STK3: variants seen among roughly 807,000 people sequenced by gnomAD.
STK3 encodes the protein serine/threonine kinase 3.
A neutral mutation model predicts 58.0 loss-of-function variants in STK3; 41 were observed. The observed-to-expected ratio is 0.71, with a 90% CI of 0.55 to 0.92. The LOEUF (loss-of-function observed/expected upper bound fraction) is 0.92, where lower values mean the gene tolerates loss of function less well. Among genes scored for constraint, STK3 ranks in the 40% least tolerant of loss-of-function variants. The probability of loss-of-function intolerance (pLI) is 0.00; values close to 1 mark genes in which losing one functional copy is unlikely to be tolerated. For missense variants in STK3, 479 were observed against 602.7 expected, an observed-to-expected ratio of 0.79 and a Z score of 2.15; for synonymous variants, 170 against 191.0, an observed-to-expected ratio of 0.89 and a Z score of 0.91.
intron 5 of STK3, 34 bp from the exon 6 acceptor site, chr8:98,706,668 A>T: frequency 6.7e-7 from 1 of 1,499,558 alleles, no homozygotes; most frequent in South Asian, 1.4e-5. Context: ...AAATGCTACT[A>T]CAAAAGCACA....
chr8:98,906,108 G>C (rs1305539693), intron 1 of STK3, among the ~76,000 whole-genome samples: 1 of 152,188 alleles, frequency 6.6e-6, no homozygotes, highest in Non-Finnish European at 1.5e-5. Flanking sequence ...TAAGGAGGCA[G>C]CTTTAGGCTA....
At chr8:98,435,820 G>A (rs1039769159) in intron 2 of STK3, among the ~76,000 whole-genome samples, 7 of 152,166 alleles carry the variant, frequency 4.6e-5, no homozygotes, top group Non-Finnish European at 7.4e-5. Flanking sequence ...AGCACCCTGA[G>A]GGAGCCTGGC....
chr8:98,618,410 G>A (rs1335907423), intron 6 of STK3, among the ~76,000 whole-genome samples: 6 of 152,272 alleles, frequency 3.9e-5, no homozygotes, highest in African/African-American at 1.4e-4. Context: ...GCACAAGATA[G>A]GGATGCCCTC....
chr8:98,376,393 GTGTC>G (rs1289348436), intron 2 of STK3, among the ~76,000 whole-genome samples: 1 of 152,144 alleles, frequency 6.6e-6, no homozygotes, highest in Non-Finnish European at 1.5e-5. Flanking sequence ...TCTCTTAGCT[GTGTC>G]TGTCTCAGAG....
intron 3 of STK3, among the ~76,000 whole-genome samples, chr8:98,861,067 A>T (rs915037416): frequency 6.6e-6 from 1 of 152,016 alleles, no homozygotes; most frequent in Admixed American, 6.6e-5. Context: ...CCCAAAAGAA[A>T]AAGAAAAAAT....
chr8:98,541,108 C>T (rs1758462521), intron 9 of STK3, among the ~76,000 whole-genome samples: 1 of 152,154 alleles, frequency 6.6e-6, no homozygotes, highest in Admixed American at 6.5e-5. Flanking sequence ...GTGGGAGTCA[C>T]TCTTGAAGCC....
At chr8:98,633,446 AT>A (rs899376211) in intron 6 of STK3, 13 of 514,052 alleles carry the variant, frequency 2.5e-5, no homozygotes, top group African/African-American at 2.5e-4. Context: ...GAGACTGCAG[AT>A]TATTAAATCA....
chr8:98,673,979 T>A (rs1823016845), intron 6 of STK3, among the ~76,000 whole-genome samples: 1 of 152,218 alleles, frequency 6.6e-6, no homozygotes, highest in Non-Finnish European at 1.5e-5. Context: ...TGTTTTCTTT[T>A]AAGTACTCAT....
chr8:98,404,004 G>A (rs1817969301), intron 3 of STK3, among the ~76,000 whole-genome samples: 1 of 152,168 alleles, frequency 6.6e-6, no homozygotes, highest in Admixed American at 6.5e-5. Flanking sequence ...CTGTCTCCTG[G>A]GTGGCAGGTC....
At chr8:98,716,294 A>G (rs145589030) in intron 4 of STK3, among the ~76,000 whole-genome samples, 220 of 152,268 alleles carry the variant, frequency 1.4e-3, no homozygotes, top group Non-Finnish European at 2.3e-3. Context: ...TAAAAAAAGA[A>G]CTAATAAATA....
intron 6 of STK3, among the ~76,000 whole-genome samples, chr8:98,624,975 A>G (rs1818604946): frequency 1.3e-5 from 2 of 152,152 alleles, no homozygotes; most frequent in African/African-American, 4.8e-5. Flanking sequence ...AATAAGTTAA[A>G]TGGCCTGAGG....
chr8:98,389,576 T>C (rs560265174), upstream of STK3, among the ~76,000 whole-genome samples: 1 of 152,226 alleles, frequency 6.6e-6, no homozygotes, highest in African/African-American at 2.4e-5. Flanking sequence ...GGATGACTGC[T>C]ACCAGGGATT....
intron 1 of STK3, among the ~76,000 whole-genome samples, chr8:98,793,320 T>C (rs1394581039): frequency 6.6e-6 from 1 of 151,802 alleles, no homozygotes; most frequent in African/African-American, 2.4e-5. Context: ...CCCCAATAAC[T>C]TATGGAAATT....
chr8:98,628,819 CAAAAAAAA>C (rs10571679), intron 6 of STK3, among the ~76,000 whole-genome samples: 1 of 64,156 alleles, frequency 1.6e-5, no homozygotes, highest in African/African-American at 7.1e-5. Context: ...CTCCACACTC[CAAAAAAAA>C]AAAAAAAAAA....
rs538722914 is a variant in STK3 at position 98,556,223 on chromosome 8, G to C, written c.949-8062C>G. The stretch of plus-strand genomic sequence containing the variant: ...ACACGCTCTAGGGGAACCTCAAACT[G>C]AGAAGTTAACCAAATATAGCCCCAG... On this transcript the variant is annotated intron_variant, in intron 8 of 10. Transcript: ENST00000419617. 7.9e-5 allele frequency among the ~76,000 whole-genome samples: 12 copies of C among 152,162 alleles called. No homozygotes were observed. In the South Asian group the frequency reaches 2.3e-3, roughly 29 times the overall value.
At chr8:98,741,859 G>A (rs149188207) in intron 4 of STK3, among the ~76,000 whole-genome samples, 7,113 of 152,138 alleles carry the variant, frequency 0.047, 239 homozygotes, top group African/African-American at 0.089. Flanking sequence ...AGAAAAGAGA[G>A]AAGAATCAAA....
At position 98,840,628 on chromosome 8, in the gene STK3, T is replaced by TATAC. The variant is rs1477381215; in HGVS notation, c.110+43018_110+43019insGTAT. On this transcript the variant is annotated intron_variant, in intron 3 of 12. Transcript: ENST00000523601. ...ATATATATATATATATATATATATA[T>TATAC]ACACACACATACGTTTTATATATAT... Among the ~76,000 whole-genome samples, 280 of 114,208 alleles carry TATAC rather than the reference T, an allele frequency of 2.5e-3. 2 individuals are homozygous for TATAC. Among genetic ancestry groups the TATAC allele is most frequent in the Non-Finnish European group, 3.3e-3 (187 of 56,070 alleles). The allele number at this position is 114,208 out of a possible 152,430, so 74.9% of individuals were successfully genotyped here.
intron 3 of STK3, among the ~76,000 whole-genome samples, chr8:98,863,059 C>T (rs1453551683): frequency 1.3e-5 from 2 of 152,096 alleles, no homozygotes; most frequent in Non-Finnish European, 2.9e-5. Context: ...TGAGTGGAGC[C>T]CAAGCCTGCT....
At chr8:98,780,508 G>A (rs370692163) in intron 1 of STK3, among the ~76,000 whole-genome samples, 1 of 151,810 alleles carries the variant, frequency 6.6e-6, no homozygotes, top group Non-Finnish European at 1.5e-5. Context: ...CCCTTTTTTC[G>A]AGATTATAAA....
Sources: allele counts gnomAD v4.1 joint callset (sites outside exome capture counted in the v4.1 genomes callset), GRCh38; gene constraint gnomAD v4.1.1; transcripts MANE v1.5; gene names NCBI Gene and HGNC (gene_info 2026-07-23, HGNC 2026-07-21).